LUZP1: variants seen among roughly 807,000 people sequenced by gnomAD.
LUZP1 encodes leucine zipper protein 1.
A neutral mutation model predicts 71.3 loss-of-function variants in LUZP1; 25 were observed. The observed-to-expected ratio is 0.35, with a 90% CI of 0.26 to 0.49. The LOEUF (loss-of-function observed/expected upper bound fraction) is 0.49, where lower values mean the gene tolerates loss of function less well. LUZP1 is among the 20% of genes least tolerant of loss of function. The pLI, the probability that LUZP1 is intolerant of heterozygous loss-of-function variation, is 0.99. For synonymous variants in LUZP1, 481 were observed against 506.4 expected (o/e 0.95, Z 0.67); for missense variants, 1,142 against 1,300.8 (o/e 0.88, Z 1.88).
At chr1:23,138,751 C>A (rs1457355038) in intron 2 of LUZP1, among the ~76,000 whole-genome samples, 2 of 146,674 alleles carry the variant, frequency 1.4e-5, no homozygotes, top group Admixed American at 1.4e-4. Context: ...GCCTGTAATC[C>A]CAGCACTTTG....
chr1:23,171,873 G>C (rs1388661935), intron 1 of LUZP1, among the ~76,000 whole-genome samples: 1 of 152,184 alleles, frequency 6.6e-6, no homozygotes, highest in African/African-American at 2.4e-5. Context: ...AGGTTCTGAA[G>C]AAAGAACTTT....
intron 2 of LUZP1, among the ~76,000 whole-genome samples, chr1:23,165,194 T>A (rs912395925): frequency 6.6e-6 from 1 of 152,094 alleles, no homozygotes; most frequent in Non-Finnish European, 1.5e-5. Context: ...CCTCATAACA[T>A]TCCCAGGGAT....
At chr1:23,131,515 C>T (rs1644215028) in intron 2 of LUZP1, among the ~76,000 whole-genome samples, 1 of 152,120 alleles carries the variant, frequency 6.6e-6, no homozygotes, top group Admixed American at 6.6e-5. Flanking sequence ...ATTTTGAGTT[C>T]TGTTCACCAC....
intron 1 of LUZP1, among the ~76,000 whole-genome samples, chr1:23,170,807 G>A (rs1304886411): frequency 6.6e-6 from 1 of 151,986 alleles, no homozygotes; most frequent in Non-Finnish European, 1.5e-5. Flanking sequence ...TTGACCAGGC[G>A]CGGTTGCTCA....
chr1:23,141,379 C>G (rs951540948), intron 2 of LUZP1, among the ~76,000 whole-genome samples: 1 of 152,196 alleles, frequency 6.6e-6, no homozygotes, highest in Non-Finnish European at 1.5e-5. Context: ...ATGCCATGTT[C>G]AAGGGACCCA....
intron 2 of LUZP1, among the ~76,000 whole-genome samples, chr1:23,159,045 A>C (rs1241233369): frequency 6.6e-6 from 1 of 151,468 alleles, no homozygotes; most frequent in African/African-American, 2.4e-5. Flanking sequence ...CAGAGACTTC[A>C]AAATTTGATT....
intron 3 of LUZP1, among the ~76,000 whole-genome samples, chr1:23,095,603 A>C (rs1569864257): frequency 1.3e-5 from 2 of 152,330 alleles, no homozygotes; most frequent in Admixed American, 1.3e-4. Flanking sequence ...AGAGGTGGTA[A>C]GTTGAAAATG....
chr1:23,108,202 A>G (rs1201685451), intron 3 of LUZP1, among the ~76,000 whole-genome samples: 5 of 152,248 alleles, frequency 3.3e-5, no homozygotes, highest in African/African-American at 1.2e-4. Context: ...TGGCTAGGAA[A>G]AGAACCTAAT....
exon 5 of LUZP1, chr1:23,085,078 G>A (rs972206755): frequency 6.6e-6 from 1 of 152,620 alleles, no homozygotes; most frequent in African/African-American, 2.4e-5. Context: ...ATGCACCCAA[G>A]GAGCCCTGAG....
At chr1:23,112,617 A>G (rs1644042897) in intron 2 of LUZP1, among the ~76,000 whole-genome samples, 1 of 152,242 alleles carries the variant, frequency 6.6e-6, no homozygotes, top group Non-Finnish European at 1.5e-5. Context: ...TAAAACACAA[A>G]AACTATCTGA....
intron 2 of LUZP1, among the ~76,000 whole-genome samples, chr1:23,161,847 T>C (rs1208045633): frequency 6.6e-6 from 1 of 151,682 alleles, no homozygotes; most frequent in East Asian, 1.9e-4. Flanking sequence ...CATAACATGG[T>C]GAAACTCCGT....
intron 2 of LUZP1, among the ~76,000 whole-genome samples, chr1:23,124,413 G>GCTAA (rs1336507069): frequency 6.6e-6 from 1 of 152,114 alleles, no homozygotes; most frequent in Non-Finnish European, 1.5e-5. Context: ...GAGTCAAGTG[G>GCTAA]CTAAGGACAG....
exon 5 of LUZP1, chr1:23,088,901 C>T (rs2124580162): frequency 6.2e-7 from 1 of 1,613,990 alleles, no homozygotes; most frequent in East Asian, 2.2e-5. Context: ...GGGCTCAGTT[C>T]TCCTCAGCAC....
intron 2 of LUZP1, among the ~76,000 whole-genome samples, chr1:23,134,689 AAG>A (rs1209027173): frequency 6.6e-6 from 1 of 152,122 alleles, no homozygotes; most frequent in Admixed American, 6.6e-5. Flanking sequence ...AGGCTGAGGT[AAG>A]AGAATTGCTT....
At chr1:23,103,675 T>C (rs1379598891) in intron 3 of LUZP1, among the ~76,000 whole-genome samples, 11 of 151,824 alleles carry the variant, frequency 7.2e-5, no homozygotes, top group Admixed American at 1.3e-4. Flanking sequence ...TTTATTTACA[T>C]TGATTCTTCT....
In LUZP1 at chr1:23,158,432, C is replaced by A. The variant is rs1376735813; in HGVS notation, c.-226+10334G>T. Among the ~76,000 whole-genome samples the A allele has an allele frequency of 3.3e-5, 5 of 152,000 alleles. No homozygotes were observed. The East Asian group carries it at 9.7e-4, about 29-fold the overall frequency. ...TTGGAAGGCCAAGGCAGGCAGATCACGCGGTCAGGAGTTCGAGACCAGCCT... is the reference window on the plus strand; with the variant it reads ...TTGGAAGGCCAAGGCAGGCAGATCAAGCGGTCAGGAGTTCGAGACCAGCCT... On this transcript the variant is annotated intron_variant, in intron 2 of 4. Transcript: ENST00000302291.
intron 2 of LUZP1, among the ~76,000 whole-genome samples, chr1:23,156,962 C>T (rs560227928): frequency 2.4e-4 from 37 of 152,334 alleles, no homozygotes; most frequent in Admixed American, 7.2e-4. Flanking sequence ...ATTAAGAACA[C>T]GTAATATGCT....
Position 23,091,900 on chromosome 1 carries a change from C to G in LUZP1, c.2362G>C (p.Gly788Arg), listed in dbSNP as rs748794629. 7.4e-6 allele frequency: 12 copies of G among 1,614,078 alleles called. No individual in the cohort carries two copies. In the African/African-American group the frequency reaches 1.6e-4, roughly 22 times the overall value. ...ATGCTACTTGTCACTTTGTTTGGCC[C>G]TGGTTTGGAGACGGGTTTCTGTTTC... Residue 788 changes from glycine (G) to arginine (R), a missense_variant, in exon 4 of 5, where the codon GGG (glycine) becomes CGG (arginine). Coordinates refer to ENST00000302291, the Ensembl canonical transcript of LUZP1.
chr1:23,154,912 A>G (rs1232639042), intron 2 of LUZP1, among the ~76,000 whole-genome samples: 1 of 151,722 alleles, frequency 6.6e-6, no homozygotes, highest in Non-Finnish European at 1.5e-5. Context: ...CTGTCCTCCC[A>G]TCTATTTTTC....
Sources: allele counts gnomAD v4.1 joint callset (sites outside exome capture counted in the v4.1 genomes callset), GRCh38; gene constraint gnomAD v4.1.1; transcripts MANE v1.5; gene names NCBI Gene and HGNC (gene_info 2026-07-23, HGNC 2026-07-21).